The following CTSH variants were observed in gnomAD, a reference collection of about 807,000 sequenced individuals.
The protein encoded by CTSH is cathepsin H.
CTSH carries 52 observed loss-of-function variants against 56.3 expected under a neutral mutation model. The observed-to-expected ratio is 0.92, with a 90% CI of 0.74 to 1.16. The LOEUF is 1.16. Among genes scored for constraint, CTSH ranks in the 50% most tolerant of loss-of-function variants. The pLI, the probability that CTSH is intolerant of heterozygous loss-of-function variation, is 0.00. For missense variants in CTSH, 406 were observed against 424.5 expected (o/e 0.96, Z 0.38); for synonymous variants, 174 against 155.7 (o/e 1.12, Z -0.88).
chr15:78,929,386 GAC>G, intron 8 of CTSH, 24 bp downstream of exon 8: 1 of 1,581,908 alleles, frequency 6.3e-7, no homozygotes, highest in Non-Finnish European at 8.7e-7. Context: ...ACGCCAAGAA[GAC>G]AGAGTGGAGG....
At chr15:78,943,614 C>T (rs948684144) in intron 1 of CTSH, among the ~76,000 whole-genome samples, 1 of 152,166 alleles carries the variant, frequency 6.6e-6, no homozygotes, top group African/African-American at 2.4e-5. Flanking sequence ...TTTCGTAGCA[C>T]CCAAAAATCC....
chr15:78,931,519 C>T lies in CTSH; in HGVS notation c.493-13G>A, dbSNP rs1567361872. The T allele has an allele frequency of 6.2e-7, 1 of 1,614,236 alleles. No homozygotes were observed. The highest frequency in any genetic ancestry group is 1.3e-5 in the African/African-American group (1 of 75,066). On this transcript the variant is annotated splice_polypyrimidine_tract_variant and intron_variant, in intron 6 of 11. Transcript: ENST00000220166. ...GCTGCTGTTCCGCCTGGAAGAAGGA[C>T]ACAACCCAGTGACCTGCCAGCTGAG...
At chr15:78,924,307 G>A (rs1206684953) in intron 10 of CTSH, among the ~76,000 whole-genome samples, 1 of 152,172 alleles carries the variant, frequency 6.6e-6, no homozygotes, top group African/African-American at 2.4e-5. Context: ...GGAAAGCAGG[G>A]ACACTGGTGT....
chr15:78,944,717 C>A (rs2055359211), intron 1 of CTSH, 174 bp downstream of exon 1: 7 of 1,242,918 alleles, frequency 5.6e-6, no homozygotes, highest in Non-Finnish European at 7.3e-6. Flanking sequence ...CTCCGAGAAC[C>A]CCCGCCTATA....
At chr15:78,934,841 C>G (rs968394955) in intron 5 of CTSH, 137 bp downstream of exon 5, 1 of 723,610 alleles carries the variant, frequency 1.4e-6, no homozygotes, top group South Asian at 1.5e-5. Flanking sequence ...AGGAAGAGGG[C>G]TGGAGAGATG....
At chr15:78,924,082 G>T (rs1272739026) in intron 10 of CTSH, among the ~76,000 whole-genome samples, 1 of 129,970 alleles carries the variant, frequency 7.7e-6, no homozygotes. Context: ...GGAGGTGGGG[G>T]GGATCCAACC....
At position 78,937,261 on chromosome 15, in the gene CTSH, A is replaced by G. The variant is rs2055195289; in HGVS notation, c.229+57T>C. 26 of 1,481,198 alleles carry G rather than the reference A, an allele frequency of 1.8e-5. No homozygotes were observed. In the South Asian group the frequency reaches 2.6e-4, roughly 15 times the overall value. The allele number at this position is 1,481,198 out of a possible 1,614,324, so 91.8% of individuals were successfully genotyped here. On this transcript the variant is annotated intron_variant, in intron 3 of 11. Coordinates refer to ENST00000220166, the MANE Select transcript of CTSH (RefSeq NM_004390.5). The stretch of plus-strand genomic sequence containing the variant: ...CCACCAGCCCCCAGCGGGCCCTTTC[A>G]TGGGCTGGGTCACTAACTGACATCC...
chr15:78,940,271 C>G (rs1002549531), intron 1 of CTSH, among the ~76,000 whole-genome samples: 1 of 152,132 alleles, frequency 6.6e-6, no homozygotes, highest in Non-Finnish European at 1.5e-5. Flanking sequence ...AAGACATATT[C>G]CAACTTATAA....
intron 1 of CTSH, among the ~76,000 whole-genome samples, chr15:78,939,878 G>A (rs1327313136): frequency 3.3e-5 from 5 of 152,188 alleles, no homozygotes; most frequent in African/African-American, 9.7e-5. Context: ...GAGAGACTCC[G>A]TCTCAAAAAC....
chr15:78,931,188 C>A (rs1280168859), intron 7 of CTSH, among the ~76,000 whole-genome samples: 4 of 152,164 alleles, frequency 2.6e-5, no homozygotes, highest in Non-Finnish European at 5.9e-5. Context: ...GCCTTGGTGG[C>A]GGGTGAGGCC....
rs1567376960 is a variant in CTSH at position 78,939,181 on chromosome 15, G to GC, written c.92-11_92-10insG. On this transcript the variant is annotated splice_polypyrimidine_tract_variant and intron_variant, in intron 1 of 11. Transcript: ENST00000220166. Reference sequence around the variant, plus strand: ...TTGAAGTGAAACTTCTCTGTAAAAAGAAAAAAAAAATTAGGTCTGGGCGCA... The same window carrying GC: ...TTGAAGTGAAACTTCTCTGTAAAAAGCAAAAAAAAAATTAGGTCTGGGCGCA... The GC allele has an allele frequency of 5.7e-6, 8 of 1,395,446 alleles. No homozygotes were observed. The highest frequency in any genetic ancestry group is 7.9e-6 in the Non-Finnish European group (8 of 1,007,136). 86.4% of individuals were successfully genotyped at this position (1,395,446 alleles called of 1,614,324 possible).
Position 78,935,558 on chromosome 15 carries a change from G to T in CTSH, c.300+122C>A. 6 of 761,260 alleles carry T rather than the reference G, an allele frequency of 7.9e-6. No individual in the cohort carries two copies. The South Asian group carries it at 1.1e-4, about 14-fold the overall frequency. The allele number at this position is 761,260 out of a possible 1,614,324, so 47.2% of individuals were successfully genotyped here. ...TCTTCTGGTTCCCCCAAAGAATCTG[G>T]GGATACCCTCAGCTGCATCTGGGGA... On this transcript the variant is annotated intron_variant, in intron 4 of 11. Transcript: ENST00000220166.
At chr15:78,931,980 T>A (rs62013198) in intron 6 of CTSH, 92,524 of 1,149,852 alleles carry the variant, frequency 0.08, 4,145 homozygotes, top group African/African-American at 0.18. Flanking sequence ...CATCCGTCTC[T>A]TGTGGGCGAG....
chr15:78,937,800 C>A, intron 2 of CTSH: 1 of 1,299,052 alleles, frequency 7.7e-7, no homozygotes, highest in Non-Finnish European at 1.0e-6. Flanking sequence ...ATTCTGCAAC[C>A]AGTACACAGT....
chr15:78,930,364 T>C (rs2055024785), intron 7 of CTSH, among the ~76,000 whole-genome samples: 1 of 151,852 alleles, frequency 6.6e-6, no homozygotes, highest in African/African-American at 2.4e-5. Flanking sequence ...CCATCTCTAC[T>C]AAAAATACAA....
In CTSH at chr15:78,922,976, A is replaced by G. The variant is rs1443355970; in HGVS notation, c.932+17T>C. ...GCAACATCCCCCTCCCAGAAGTGGG[A>G]CCTGGGAGCTGCTTACCCGTTCATT... On this transcript the variant is annotated intron_variant, in intron 11 of 11. Transcript: ENST00000220166. 11 of 1,599,976 alleles carry G rather than the reference A, an allele frequency of 6.9e-6. No homozygotes were observed. The highest frequency in any genetic ancestry group is 9.4e-6 in the Non-Finnish European group (11 of 1,176,006).
chr15:78,940,444 G>A (rs947473663), intron 1 of CTSH, among the ~76,000 whole-genome samples: 5 of 151,912 alleles, frequency 3.3e-5, no homozygotes, highest in Non-Finnish European at 7.4e-5. Context: ...AAATTAGACG[G>A]GAGAATCACT....
chr15:78,934,933 A>G (rs1596283804), intron 5 of CTSH, 45 bp downstream of exon 5: 1 of 1,225,572 alleles, frequency 8.2e-7, no homozygotes, highest in Non-Finnish European at 1.2e-6. Flanking sequence ...ATTGTCTGGG[A>G]GTGTGGCCGT....
intron 10 of CTSH, among the ~76,000 whole-genome samples, chr15:78,924,862 T>TC (rs1251667984): frequency 6.6e-6 from 1 of 151,050 alleles, no homozygotes; most frequent in Non-Finnish European, 1.5e-5. Context: ...CTTTTTTTTT[T>TC]TTTTTGTATT....
Sources: allele counts gnomAD v4.1 joint callset (sites outside exome capture counted in the v4.1 genomes callset), GRCh38; gene constraint gnomAD v4.1.1; transcripts MANE v1.5; gene names NCBI Gene and HGNC (gene_info 2026-07-23, HGNC 2026-07-21).